MEIKIN: variants seen among roughly 807,000 people sequenced by gnomAD.
MEIKIN encodes the protein meiosis-specific kinetochore protein.
At chr5:131,859,915 T>C (rs993667319) in intron 9 of MEIKIN, among the ~76,000 whole-genome samples, 1 of 152,222 alleles carries the variant, frequency 6.6e-6, no homozygotes, top group Non-Finnish European at 1.5e-5. Flanking sequence ...GGTCTCTGTG[T>C]CTATTTTTCT....
At chr5:131,834,700 T>A (rs1200764218) in intron 11 of MEIKIN, among the ~76,000 whole-genome samples, 1 of 152,232 alleles carries the variant, frequency 6.6e-6, no homozygotes, top group Non-Finnish European at 1.5e-5. Flanking sequence ...CTTTATCCAT[T>A]AATCTGTCAA....
At chr5:131,915,221 A>T (rs750766997) in intron 7 of MEIKIN, among the ~76,000 whole-genome samples, 1 of 152,138 alleles carries the variant, frequency 6.6e-6, no homozygotes, top group Non-Finnish European at 1.5e-5. Context: ...CTTCAATGAG[A>T]CTCAAAGGGT....
At chr5:131,931,350 T>A (rs954643418) in intron 5 of MEIKIN, among the ~76,000 whole-genome samples, 1 of 152,118 alleles carries the variant, frequency 6.6e-6, no homozygotes, top group African/African-American at 2.4e-5. Context: ...CCCCACTCAC[T>A]CTGCACTGAG....
chr5:131,937,913 C>T (rs1751807847), intron 4 of MEIKIN, among the ~76,000 whole-genome samples: 1 of 151,828 alleles, frequency 6.6e-6, no homozygotes, highest in Admixed American at 6.6e-5. Context: ...AAACTTGGCT[C>T]TCAGTATCTC....
intron 8 of MEIKIN, among the ~76,000 whole-genome samples, chr5:131,882,503 T>C (rs535599472): frequency 6.6e-5 from 10 of 152,288 alleles, no homozygotes; most frequent in African/African-American, 2.2e-4. Context: ...TACTACAACA[T>C]ATATGAATAT....
chr5:131,895,964 T>TTAA, intron 8 of MEIKIN, among the ~76,000 whole-genome samples: 1 of 152,324 alleles, frequency 6.6e-6, no homozygotes, highest in South Asian at 2.1e-4. Context: ...TCTAGTTCTT[T>TTAA]TAATTGTGAT....
chr5:131,875,030 C>T (rs919859528), intron 9 of MEIKIN, among the ~76,000 whole-genome samples: 1 of 139,018 alleles, frequency 7.2e-6, no homozygotes, highest in Non-Finnish European at 1.7e-5. Context: ...AACCCACAGC[C>T]AATATCATAC....
At chr5:131,904,148 C>T (rs1282529766) in intron 8 of MEIKIN, among the ~76,000 whole-genome samples, 1 of 152,102 alleles carries the variant, frequency 6.6e-6, no homozygotes, top group African/African-American at 2.4e-5. Flanking sequence ...GCACCTAACA[C>T]AGGAGCACCC....
At chr5:131,846,287 G>A (rs990476035) in intron 11 of MEIKIN, among the ~76,000 whole-genome samples, 1 of 152,100 alleles carries the variant, frequency 6.6e-6, no homozygotes, top group African/African-American at 2.4e-5. Flanking sequence ...AGTCCTATAA[G>A]GTGAAATGAA....
intron 8 of MEIKIN, among the ~76,000 whole-genome samples, chr5:131,886,707 T>C (rs1389414810): frequency 6.6e-6 from 1 of 152,118 alleles, no homozygotes; most frequent in Non-Finnish European, 1.5e-5. Flanking sequence ...TAAGAAATAA[T>C]GTGAAGGTAC....
chr5:131,873,913 C>G (rs1299896934), intron 9 of MEIKIN, among the ~76,000 whole-genome samples: 1 of 152,086 alleles, frequency 6.6e-6, no homozygotes, highest in Admixed American at 6.6e-5. Context: ...ATAATGAAAT[C>G]AAGGCAGAAA....
In MEIKIN at chr5:131,882,706, C is replaced by T. The variant is rs544118840; in HGVS notation, c.704-3658G>A. ...AGTCCTTACAATAGTATACAAGGCTCCACTTTACACAACCTGGTTAGCTCT... is the reference window on the plus strand; with the variant it reads ...AGTCCTTACAATAGTATACAAGGCTTCACTTTACACAACCTGGTTAGCTCT... On this transcript the variant is annotated intron_variant, in intron 8 of 12. Transcript: ENST00000442687. 2.6e-5 allele frequency among the ~76,000 whole-genome samples: 4 copies of T among 152,296 alleles called. No individual in the cohort carries two copies. The East Asian group carries it at 7.7e-4, about 29-fold the overall frequency.
At chr5:131,901,768 C>T (rs1166535407) in intron 8 of MEIKIN, among the ~76,000 whole-genome samples, 1 of 152,058 alleles carries the variant, frequency 6.6e-6, no homozygotes, top group Admixed American at 6.5e-5. Flanking sequence ...GAAACAAAAC[C>T]AGTTGACTGA....
chr5:131,902,046 G>A (rs192952500), intron 8 of MEIKIN, among the ~76,000 whole-genome samples: 11 of 152,238 alleles, frequency 7.2e-5, no homozygotes, highest in African/African-American at 2.2e-4. Flanking sequence ...TCCTTTAAAA[G>A]TGTATAGTAC....
At chr5:131,831,837 T>C (rs1224573692) in intron 11 of MEIKIN, among the ~76,000 whole-genome samples, 1 of 152,112 alleles carries the variant, frequency 6.6e-6, no homozygotes, top group African/African-American at 2.4e-5. Flanking sequence ...AAACCCCTGA[T>C]AAACTCATCA....
intron 8 of MEIKIN, among the ~76,000 whole-genome samples, chr5:131,901,063 T>C (rs888456386): frequency 5.3e-5 from 8 of 152,132 alleles, no homozygotes; most frequent in Admixed American, 1.3e-4. Context: ...GCTAGCCCCA[T>C]GCCTGCCAGT....
At chr5:131,830,207 T>C (rs1749691635) in intron 11 of MEIKIN, among the ~76,000 whole-genome samples, 1 of 152,044 alleles carries the variant, frequency 6.6e-6, no homozygotes, top group African/African-American at 2.4e-5. Flanking sequence ...CTAGGCAATG[T>C]GGTGAAACCC....
intron 7 of MEIKIN, among the ~76,000 whole-genome samples, chr5:131,912,681 T>C (rs1047658971): frequency 3.3e-5 from 5 of 152,220 alleles, no homozygotes; most frequent in African/African-American, 9.6e-5. Context: ...GTCAAAATAG[T>C]ACCTTCTCGC....
At position 131,933,568 on chromosome 5, in the gene MEIKIN, C is replaced by T. The variant is rs1045677968; in HGVS notation, c.423G>A (p.Lys141=). 2 of 398,754 alleles carry T rather than the reference C, an allele frequency of 5.0e-6. No individual in the cohort carries two copies. The highest frequency in any genetic ancestry group is 8.9e-6 in the Non-Finnish European group (2 of 225,988). 24.7% of individuals were successfully genotyped at this position (398,754 alleles called of 1,614,324 possible). A position where few individuals can be genotyped will look rare whatever the true frequency, so the allele number is the denominator to read the frequency against. ...YSVTDSYAEY[K]SFEESFPSPE... ...GTGATGGAAAGCTCTCTTCAAAACT[C>T]TTGTATTCTGCATAAGAGTCTGTGA... Residue 141 remains lysine (K), a synonymous_variant, in exon 5 of 13, where the codon AAG becomes AAA. Transcript: ENST00000442687.
Sources: gnomAD v4.1 joint callset for allele counts (sites outside exome capture counted in the v4.1 genomes callset) on GRCh38, gnomAD v4.1.1 for gene constraint, MANE v1.5 for transcripts, NCBI Gene and HGNC (gene_info 2026-07-23, HGNC 2026-07-21) for gene names.